The following LDLRAD3 variants were observed in gnomAD, a reference collection of about 807,000 sequenced individuals.
LDLRAD3 encodes the protein low density lipoprotein receptor class A domain containing 3.
LDLRAD3 carries 20 observed loss-of-function variants against 29.4 expected under a neutral mutation model. That is an observed-to-expected ratio of 0.68 (90% CI 0.48 to 0.99). LDLRAD3 has a LOEUF of 0.99. Ranked by LOEUF, LDLRAD3 falls within the 50% of genes least tolerant of loss-of-function variation. LDLRAD3 has a pLI of 0.00. For missense variants in LDLRAD3, 420 were observed against 454.3 expected (o/e 0.92, Z 0.69); for synonymous variants, 157 against 192.7 (o/e 0.81, Z 1.53).
At chr11:36,165,755 A>G (rs1388453119) in intron 4 of LDLRAD3, among the ~76,000 whole-genome samples, 1 of 112,168 alleles carries the variant, frequency 8.9e-6, no homozygotes, top group Non-Finnish European at 1.7e-5. Context: ...CCCCAGTTTT[A>G]AGTCATCTTA....
At chr11:36,047,957 G>T (rs189439572) in intron 2 of LDLRAD3, among the ~76,000 whole-genome samples, 5 of 152,164 alleles carry the variant, frequency 3.3e-5, no homozygotes, top group Non-Finnish European at 7.3e-5. Context: ...GGAAATGGGA[G>T]CAGATGTGAA....
At chr11:36,068,263 G>A (rs574613618) in intron 2 of LDLRAD3, among the ~76,000 whole-genome samples, 17 of 152,268 alleles carry the variant, frequency 1.1e-4, no homozygotes, top group Middle Eastern at 3.4e-3. Flanking sequence ...AGGACTAGCC[G>A]TCTATGTGTA....
chr11:35,967,581 A>G (rs1851357731), intron 1 of LDLRAD3: 2 of 419,334 alleles, frequency 4.8e-6, no homozygotes, highest in South Asian at 1.9e-5. Flanking sequence ...CCAATTTTAT[A>G]TATCACATGG....
chr11:36,024,610 C>T (rs933942625), intron 1 of LDLRAD3, among the ~76,000 whole-genome samples: 1 of 152,264 alleles, frequency 6.6e-6, no homozygotes, highest in Non-Finnish European at 1.5e-5. Context: ...TTGGGCTTCA[C>T]TGTCTGGTTT....
At chr11:36,064,782 A>G (rs1852764531) in intron 2 of LDLRAD3, among the ~76,000 whole-genome samples, 1 of 152,028 alleles carries the variant, frequency 6.6e-6, no homozygotes, top group Non-Finnish European at 1.5e-5. Flanking sequence ...CTTCCGACCC[A>G]TTGGTTATTT....
At chr11:36,108,076 C>T (rs985063252) in intron 4 of LDLRAD3, among the ~76,000 whole-genome samples, 13 of 151,734 alleles carry the variant, frequency 8.6e-5, no homozygotes, top group Admixed American at 2.6e-4. Context: ...TTTGGGAGGC[C>T]GAGGTGGGCA....
chr11:36,201,151 T>C (rs1366969413), intron 4 of LDLRAD3, among the ~76,000 whole-genome samples: 1 of 152,210 alleles, frequency 6.6e-6, no homozygotes, highest in African/African-American at 2.4e-5. Flanking sequence ...GGAAACCACA[T>C]GCTGGTCTTC....
At chr11:36,086,578 A>G (rs1042546198) in intron 3 of LDLRAD3, among the ~76,000 whole-genome samples, 6 of 152,176 alleles carry the variant, frequency 3.9e-5, no homozygotes, top group African/African-American at 1.4e-4. Flanking sequence ...GACCAGGTCC[A>G]TGTGCATGCA....
intron 2 of LDLRAD3, among the ~76,000 whole-genome samples, chr11:36,074,721 T>C (rs1442235626): frequency 2.0e-5 from 3 of 152,072 alleles, no homozygotes; most frequent in Non-Finnish European, 4.4e-5. Flanking sequence ...CCCTCATCCC[T>C]CAAAAGGTGA....
intron 1 of LDLRAD3, among the ~76,000 whole-genome samples, chr11:36,026,076 G>A (rs186004063): frequency 6.6e-5 from 10 of 152,172 alleles, no homozygotes; most frequent in Admixed American, 2.6e-4. Context: ...CACCACACCC[G>A]GCCCTGAATT....
intron 1 of LDLRAD3, among the ~76,000 whole-genome samples, chr11:36,000,052 A>T (rs1450495084): frequency 6.6e-6 from 1 of 152,148 alleles, no homozygotes; most frequent in African/African-American, 2.4e-5. Context: ...CAGCAACGAA[A>T]ATGAATAGGC....
intron 1 of LDLRAD3, among the ~76,000 whole-genome samples, chr11:35,955,625 G>C (rs1275477521): frequency 6.6e-6 from 1 of 152,016 alleles, no homozygotes; most frequent in Non-Finnish European, 1.5e-5. Flanking sequence ...TAGATAAACA[G>C]GGTTACTGCA....
intron 2 of LDLRAD3, among the ~76,000 whole-genome samples, chr11:36,080,444 C>T (rs1049853373): frequency 1.3e-5 from 2 of 152,202 alleles, no homozygotes; most frequent in African/African-American, 4.8e-5. Context: ...TGAAAAGTGA[C>T]AGCCTCTGGC....
intron 2 of LDLRAD3, among the ~76,000 whole-genome samples, chr11:36,066,901 AAAG>A (rs1852803890): frequency 6.6e-6 from 1 of 152,196 alleles, no homozygotes; most frequent in Non-Finnish European, 1.5e-5. Context: ...TTTCCTTTAG[AAAG>A]ATGTCTGTTG....
At chr11:35,950,532 T>C (rs1191363396) in intron 1 of LDLRAD3, among the ~76,000 whole-genome samples, 2 of 152,190 alleles carry the variant, frequency 1.3e-5, no homozygotes, top group Non-Finnish European at 2.9e-5. Context: ...TATGTGTATG[T>C]GTATGTCTGT....
intron 1 of LDLRAD3, among the ~76,000 whole-genome samples, chr11:35,966,242 T>A (rs902378880): frequency 3.3e-5 from 5 of 152,114 alleles, no homozygotes; most frequent in African/African-American, 1.2e-4. Flanking sequence ...CTGGCCAATA[T>A]GGTGAAACCC....
intron 1 of LDLRAD3, among the ~76,000 whole-genome samples, chr11:35,991,867 TTGTGTGTG>T (rs33941156): frequency 6.0e-5 from 5 of 82,684 alleles, no homozygotes; most frequent in African/African-American, 9.1e-5. Context: ...GAATGGTTGT[TTGTGTGTG>T]TGTGTGTGTG....
chr11:36,141,748 G>C (rs140874949), intron 4 of LDLRAD3, among the ~76,000 whole-genome samples: 2 of 152,234 alleles, frequency 1.3e-5, no homozygotes, highest in East Asian at 3.9e-4. Context: ...CCCCCGGCCC[G>C]AGCAGACAAG....
chr11:35,963,052 T>C (rs1396079476), intron 1 of LDLRAD3, among the ~76,000 whole-genome samples: 1 of 152,194 alleles, frequency 6.6e-6, no homozygotes, highest in East Asian at 1.9e-4. Context: ...TGACAGTCAG[T>C]CACAACTGTG....
Sources: allele counts gnomAD v4.1 joint callset (sites outside exome capture counted in the v4.1 genomes callset), GRCh38; gene constraint gnomAD v4.1.1; transcripts MANE v1.5; gene names NCBI Gene and HGNC (gene_info 2026-07-23, HGNC 2026-07-21).